The following PLOD2 variants were observed in gnomAD, a reference collection of about 807,000 sequenced individuals.
The protein encoded by PLOD2 is lysine hydroxylase 2.
In PLOD2, 65 loss-of-function variants were observed where a neutral mutation model predicts 101.0. The ratio of observed to expected loss-of-function variants is 0.64; its 90% confidence interval spans 0.53 to 0.79. The LOEUF (loss-of-function observed/expected upper bound fraction) is 0.79. Among genes scored for constraint, PLOD2 ranks in the 30% least tolerant of loss-of-function variants. PLOD2 has a pLI of 0.00. For synonymous variants in PLOD2, 314 were observed against 302.9 expected (o/e 1.04, Z -0.38); for missense variants, 909 against 914.6 (o/e 0.99, Z 0.08).
At position 146,071,400 on chromosome 3, in the gene PLOD2, A is replaced by G. The variant is rs1248510301; in HGVS notation, c.1872T>C (p.Tyr624=). The part of the protein sequence containing the change: ...KHHDSRISGG[Y]ENVPTDDIHM... ...GGATATCATCAGTTGGGACATTTTC[A>G]TAACCACCAGATATACGGCTATCCT... The change falls in exon 18 of 20, where the codon TAT becomes TAC. Residue 624 remains tyrosine, a synonymous_variant. Coordinates refer to ENST00000282903, the MANE Select transcript of PLOD2 (RefSeq NM_182943.3). The G allele has an allele frequency of 4.3e-6, 7 of 1,611,874 alleles. No homozygotes were observed. The Admixed American group carries it at 1.0e-4, about 23-fold the overall frequency.
chr3:146,150,218 G>T (rs151221406), intron 1 of PLOD2, among the ~76,000 whole-genome samples: 1 of 151,926 alleles, frequency 6.6e-6, no homozygotes, highest in Non-Finnish European at 1.5e-5. Flanking sequence ...AACTGATTTC[G>T]TTTTTATTTG....
intron 7 of PLOD2, among the ~76,000 whole-genome samples, chr3:146,095,983 C>A (rs1400898985): frequency 1.4e-5 from 2 of 145,402 alleles, no homozygotes; most frequent in African/African-American, 5.0e-5. Flanking sequence ...CTGCAACCTC[C>A]CTGCCTGATT....
At chr3:146,115,045 C>T (rs1478937123) in intron 3 of PLOD2, among the ~76,000 whole-genome samples, 1 of 152,110 alleles carries the variant, frequency 6.6e-6, no homozygotes, top group Non-Finnish European at 1.5e-5. Flanking sequence ...GGTTTTGCGG[C>T]TTGGGGGGCA....
At chr3:146,125,674 G>A (rs538103251) in intron 1 of PLOD2, among the ~76,000 whole-genome samples, 61 of 152,060 alleles carry the variant, frequency 4.0e-4, no homozygotes, top group Non-Finnish European at 8.1e-4. Context: ...TTGAACTCGG[G>A]GGGCGGAGAT....
At chr3:146,107,733 T>A (rs755228013) in intron 4 of PLOD2, among the ~76,000 whole-genome samples, 39 of 144,024 alleles carry the variant, frequency 2.7e-4, no homozygotes, top group Middle Eastern at 3.7e-3. Context: ...GCCTCCCGAG[T>A]TCCCCTCCGC....
At chr3:146,131,455 G>A (rs763252499) in intron 1 of PLOD2, among the ~76,000 whole-genome samples, 9 of 152,264 alleles carry the variant, frequency 5.9e-5, no homozygotes, top group African/African-American at 1.4e-4. Flanking sequence ...GCTGTGTTCT[G>A]TACTCAGAGG....
intron 15 of PLOD2, among the ~76,000 whole-genome samples, chr3:146,075,310 T>C (rs1353280353): frequency 6.6e-6 from 1 of 151,282 alleles, no homozygotes; most frequent in Non-Finnish European, 1.5e-5. Context: ...TCTCATCAGG[T>C]GGATTGAGTC....
At chr3:146,085,780 A>G (rs1936745066) in intron 10 of PLOD2, 1 of 155,742 alleles carries the variant, frequency 6.4e-6, no homozygotes, top group African/African-American at 2.4e-5. Flanking sequence ...AGTTTGTAAC[A>G]TTATCATCAG....
Position 146,121,267 on chromosome 3 carries a change from T to C in PLOD2, c.202-19A>G. ...CAAGGACCTATAAACAAAATCAACA[T>C]TTCATTCCTGAGCAAAACTCAAATT... On this transcript the variant is annotated intron_variant, in intron 2 of 19. Coordinates refer to ENST00000282903, the MANE Select transcript of PLOD2 (RefSeq NM_182943.3). 4.3e-6 allele frequency: 7 copies of C among 1,609,816 alleles called. No homozygotes were observed. The highest frequency in any genetic ancestry group is 1.1e-5 in the South Asian group (1 of 91,010).
intron 1 of PLOD2, among the ~76,000 whole-genome samples, chr3:146,148,547 G>C (rs891118384): frequency 1.3e-5 from 2 of 152,100 alleles, no homozygotes; most frequent in African/African-American, 2.4e-5. Context: ...GCTATATCAA[G>C]AAAGCAAACA....
At chr3:146,085,090 A>C in intron 11 of PLOD2, 79 bp downstream of exon 11, 1 of 701,078 alleles carries the variant, frequency 1.4e-6, no homozygotes, top group Non-Finnish European at 2.6e-6. Flanking sequence ...TACTAAATAC[A>C]CAATTACTAC....
At chr3:146,076,918 A>G in intron 14 of PLOD2, 23 bp from the exon 15 acceptor site, 1 of 1,461,826 alleles carries the variant, frequency 6.8e-7, no homozygotes, top group Non-Finnish European at 9.6e-7. Flanking sequence ...AAATAACAGT[A>G]TTAATCTTAG....
chr3:146,141,494 C>G (rs1166571035), intron 1 of PLOD2, among the ~76,000 whole-genome samples: 1 of 152,058 alleles, frequency 6.6e-6, no homozygotes, highest in Non-Finnish European at 1.5e-5. Flanking sequence ...ACCCCTGACT[C>G]CACACCACAT....
chr3:146,112,863 A>G, intron 3 of PLOD2, among the ~76,000 whole-genome samples: 1 of 147,498 alleles, frequency 6.8e-6, no homozygotes, highest in East Asian at 2.0e-4. Context: ...AAAAAAAAAA[A>G]ACAAAACTCT....
intron 1 of PLOD2, among the ~76,000 whole-genome samples, chr3:146,127,171 T>C (rs1290109964): frequency 1.3e-5 from 2 of 152,158 alleles, no homozygotes; most frequent in Admixed American, 1.3e-4. Context: ...CTTTTTATTA[T>C]TTATTTAAAT....
intron 1 of PLOD2, among the ~76,000 whole-genome samples, chr3:146,152,807 C>A (rs1021687244): frequency 6.6e-6 from 1 of 152,178 alleles, no homozygotes; most frequent in African/African-American, 2.4e-5. Context: ...ATACCAAAGT[C>A]AGAGAAGAGT....
chr3:146,076,832 T>A lies in PLOD2; in HGVS notation c.1627A>T (p.Asn543Tyr). ...FGRLLSTANY[N>Y]TSHYNNDLWQ... is the part of the protein sequence containing the mutation. ...AGGTCATTGTTATAATGGGAAGTATTGTAATTAGCAGTGGATAATAGCCTT... is the reference window on the plus strand; with the variant it reads ...AGGTCATTGTTATAATGGGAAGTATAGTAATTAGCAGTGGATAATAGCCTT... Residue 543 changes from asparagine (N) to tyrosine (Y), a missense_variant, in exon 15 of 20, where the codon AAT becomes TAT. By Grantham distance (143) the Asn-to-Tyr change is moderately radical. Coordinates refer to ENST00000282903, the MANE Select transcript of PLOD2 (RefSeq NM_182943.3). 1 of 1,592,930 alleles carries A rather than the reference T, an allele frequency of 6.3e-7. No individual in the cohort carries two copies. The highest frequency in any genetic ancestry group is 8.6e-7 in the Non-Finnish European group (1 of 1,161,864).
chr3:146,119,420 TAACTAGTA>T (rs1185499324), intron 3 of PLOD2, among the ~76,000 whole-genome samples: 1 of 150,072 alleles, frequency 6.7e-6, no homozygotes, highest in Non-Finnish European at 1.5e-5. Flanking sequence ...AATAGTTTTA[TAACTAGTA>T]ATATCTACTT....
intron 10 of PLOD2, chr3:146,085,989 A>G (rs1340926775): frequency 2.0e-5 from 3 of 152,196 alleles, no homozygotes; most frequent in Non-Finnish European, 2.9e-5. Flanking sequence ...GAAAAATATT[A>G]AAGAAAATAT....
Sources: allele counts gnomAD v4.1 joint callset (sites outside exome capture counted in the v4.1 genomes callset), GRCh38; gene constraint gnomAD v4.1.1; transcripts MANE v1.5; gene names NCBI Gene and HGNC (gene_info 2026-07-23, HGNC 2026-07-21).